LETM1: variants seen among roughly 807,000 people sequenced by gnomAD.
The protein encoded by LETM1 is mitochondrial proton/calcium exchanger protein.
In LETM1, 50 loss-of-function variants were observed where a neutral mutation model predicts 74.5. That is an observed-to-expected ratio of 0.67 (90% CI 0.53 to 0.85). LETM1 has a LOEUF of 0.85. LETM1 is among the 40% of genes least tolerant of loss of function. LETM1 has a pLI of 0.00. For synonymous variants in LETM1, 446 were observed against 407.1 expected (o/e 1.10, Z -1.15); for missense variants, 824 against 967.8 (o/e 0.85, Z 1.97).
chr4:1,828,229 A>C (rs867801237), intron 6 of LETM1, among the ~76,000 whole-genome samples: 2 of 71,190 alleles, frequency 2.8e-5, no homozygotes, highest in Non-Finnish European at 2.7e-5. Flanking sequence ...GGGGGGGCTG[A>C]CCGCCCCCCA....
intron 13 of LETM1, 110 bp from the exon 14 acceptor site, chr4:1,814,683 A>G: frequency 2.3e-6 from 2 of 870,412 alleles, no homozygotes; most frequent in Non-Finnish European, 3.7e-6. Context: ...AGCAGCATGC[A>G]CGCAATCACT....
At chr4:1,827,429 C>G (rs1367876039) in intron 6 of LETM1, among the ~76,000 whole-genome samples, 1 of 118,932 alleles carries the variant, frequency 8.4e-6, no homozygotes, top group African/African-American at 3.3e-5. Context: ...GGCAGAGGAC[C>G]CTGCGGCCTT....
At chr4:1,823,850 A>G in intron 7 of LETM1, 75 bp from the exon 8 acceptor site, 12 of 1,471,294 alleles carry the variant, frequency 8.2e-6, no homozygotes, top group East Asian at 2.3e-5. Flanking sequence ...CGCCCATCTC[A>G]TCACCAGAAT....
intron 2 of LETM1, among the ~76,000 whole-genome samples, chr4:1,848,096 T>C (rs899519750): frequency 5.3e-5 from 8 of 152,056 alleles, no homozygotes; most frequent in East Asian, 1.9e-4. Flanking sequence ...TAAAACGTTA[T>C]TCGTGGACCT....
intron 2 of LETM1, chr4:1,842,998 G>A (rs561160609): frequency 1.4e-5 from 5 of 347,636 alleles, no homozygotes; most frequent in South Asian, 8.8e-5. Context: ...CGGGTGGCCC[G>A]AGCTCACCTA....
chr4:1,818,820 G>A (rs1023438693), intron 11 of LETM1, among the ~76,000 whole-genome samples: 5 of 151,950 alleles, frequency 3.3e-5, no homozygotes, highest in Non-Finnish European at 5.9e-5. Flanking sequence ...CGGTGGCCAC[G>A]CCTGTAATCC....
intron 13 of LETM1, 124 bp from the exon 14 acceptor site, chr4:1,814,697 T>A: frequency 1.3e-6 from 1 of 768,676 alleles, no homozygotes; most frequent in Non-Finnish European, 2.2e-6. Flanking sequence ...AATCACTGCC[T>A]GCGGGCCCCA....
At chr4:1,833,148 T>G in intron 5 of LETM1, 1 of 572,822 alleles carries the variant, frequency 1.7e-6, no homozygotes, top group East Asian at 3.0e-5. Context: ...CTCGGTTCAC[T>G]GCAACCTCCA....
At chr4:1,846,455 T>A (rs1712886285) in intron 2 of LETM1, 1 of 152,116 alleles carries the variant, frequency 6.6e-6, no homozygotes, top group African/African-American at 2.4e-5. Context: ...TTATTAGAGA[T>A]GGGGTTTCAC....
intron 2 of LETM1, among the ~76,000 whole-genome samples, chr4:1,846,002 C>T (rs142659373): frequency 0.019 from 2,938 of 150,876 alleles, 50 homozygotes; most frequent in Non-Finnish European, 0.031. Flanking sequence ...GGACTACAGG[C>T]GCGCACCATC....
intron 2 of LETM1, among the ~76,000 whole-genome samples, chr4:1,847,357 A>G (rs1191907906): frequency 6.6e-6 from 1 of 151,982 alleles, no homozygotes; most frequent in Non-Finnish European, 1.5e-5. Context: ...AAAAAAAAAA[A>G]AAAGTAATAT....
At chr4:1,843,675 G>A (rs1712783159) in intron 2 of LETM1, among the ~76,000 whole-genome samples, 1 of 152,218 alleles carries the variant, frequency 6.6e-6, no homozygotes, top group South Asian at 2.1e-4. Context: ...GTGGGAAGGG[G>A]GACAGGCACC....
At chr4:1,827,542 C>G (rs1442510033) in intron 6 of LETM1, among the ~76,000 whole-genome samples, 2 of 108,886 alleles carry the variant, frequency 1.8e-5, no homozygotes, top group African/African-American at 7.5e-5. Flanking sequence ...CATCTTGCAC[C>G]GCCCTTAATC....
At chr4:1,827,981 C>T (rs1577315720) in intron 6 of LETM1, among the ~76,000 whole-genome samples, 1 of 146,488 alleles carries the variant, frequency 6.8e-6, no homozygotes, top group African/African-American at 2.7e-5. Context: ...TCCCCACTTC[C>T]CAGCAGGGGC....
intron 3 of LETM1, 88 bp downstream of exon 3, chr4:1,841,259 C>T (rs878958513): frequency 3.9e-5 from 47 of 1,195,380 alleles, no homozygotes; most frequent in South Asian, 1.2e-4. Flanking sequence ...GCAGGAGGAT[C>T]GCCCATGCCC....
At chr4:1,851,894 G>T (rs1713082526) in intron 1 of LETM1, among the ~76,000 whole-genome samples, 1 of 152,158 alleles carries the variant, frequency 6.6e-6, no homozygotes, top group Non-Finnish European at 1.5e-5. Context: ...CCCTTACTAG[G>T]CTCTCCCCAA....
At position 1,825,533 on chromosome 4, in the gene LETM1, C is replaced by A. The variant is rs750007947; in HGVS notation, c.1200+31G>T. ...GGCTGATGTTTCCCTTGAGCCCGTG[C>A]CGGCCTGGCACCAGGCCAATATTCA... is the stretch of plus-strand genomic sequence containing the variant. On this transcript the variant is annotated intron_variant, in intron 7 of 13. Coordinates refer to ENST00000302787, the MANE Select transcript of LETM1 (RefSeq NM_012318.3). The A allele has an allele frequency of 3.1e-6, 5 of 1,592,026 alleles. No homozygotes were observed. The Admixed American group carries it at 8.4e-5, about 27-fold the overall frequency.
rs770108174 is a variant in LETM1 at position 1,816,716 on chromosome 4, A to C, written c.1931+11T>G. ...CTCCGATCCCTCTCCCGCGCCCACCACCCCACTCACCCCGTGGGCATGCCG... is the reference window on the plus strand; with the variant it reads ...CTCCGATCCCTCTCCCGCGCCCACCCCCCCACTCACCCCGTGGGCATGCCG... On this transcript the variant is annotated intron_variant, in intron 12 of 13. Coordinates refer to ENST00000302787, the MANE Select transcript of LETM1 (RefSeq NM_012318.3). 1.9e-6 allele frequency: 3 copies of C among 1,611,050 alleles called. No homozygotes were observed. Among genetic ancestry groups the C allele is most frequent in the Non-Finnish European group, 2.5e-6 (3 of 1,177,732 alleles).
Position 1,841,334 on chromosome 4 carries a change from A to C in LETM1, c.594+13T>G. On this transcript the variant is annotated intron_variant, in intron 3 of 13. Coordinates refer to ENST00000302787, the MANE Select transcript of LETM1 (RefSeq NM_012318.3). The stretch of plus-strand genomic sequence containing the variant: ...CAAGAAAGAAAAGAAAGGACTAGAC[A>C]TGTCCCCATTACCTGCCTGCGCTCC... 3 of 1,609,070 alleles carry C rather than the reference A, an allele frequency of 1.9e-6. No individual in the cohort carries two copies. The highest frequency in any genetic ancestry group is 2.6e-6 in the Non-Finnish European group (3 of 1,176,192).
Sources: allele counts gnomAD v4.1 joint callset (sites outside exome capture counted in the v4.1 genomes callset), GRCh38; gene constraint gnomAD v4.1.1; transcripts MANE v1.5; gene names NCBI Gene and HGNC (gene_info 2026-07-23, HGNC 2026-07-21).